WDR25: variants seen among roughly 807,000 people sequenced by gnomAD.
WDR25 encodes WD repeat domain 25, also known as WD repeat-containing protein 25.
Under a neutral mutation model 47.7 loss-of-function variants are expected in WDR25, and 35 were observed. The observed-to-expected ratio is 0.73, with a 90% CI of 0.56 to 0.97. The LOEUF (loss-of-function observed/expected upper bound fraction) is 0.97. WDR25 is among the 50% of genes least tolerant of loss of function. WDR25 has a pLI of 0.00. For missense variants in WDR25, 634 were observed against 704.7 expected, an observed-to-expected ratio of 0.90 and a Z score of 1.14; for synonymous variants, 248 against 278.9, an observed-to-expected ratio of 0.89 and a Z score of 1.10.
chr14:100,431,473 A>G (rs909361440), intron 2 of WDR25, among the ~76,000 whole-genome samples: 2 of 152,158 alleles, frequency 1.3e-5, no homozygotes, highest in Admixed American at 6.5e-5. Flanking sequence ...AATATTGAGG[A>G]TGATATGCAG....
intron 2 of WDR25, among the ~76,000 whole-genome samples, chr14:100,445,483 T>G (rs2140253752): frequency 6.6e-6 from 1 of 152,028 alleles, no homozygotes; most frequent in South Asian, 2.1e-4. Context: ...ACACCAAGGG[T>G]TTCAAAACAT....
chr14:100,481,120 AAAAAAAAAAAAAG>A, intron 3 of WDR25: 1 of 443,212 alleles, frequency 2.3e-6, no homozygotes, highest in South Asian at 1.7e-5. Flanking sequence ...AAAAAAAAAA[AAAAAAAAAAAAAG>A]GGAAAAGGGG....
chr14:100,448,977 A>G (rs538199844), intron 2 of WDR25, among the ~76,000 whole-genome samples: 1 of 152,142 alleles, frequency 6.6e-6, no homozygotes, highest in East Asian at 2.0e-4. Flanking sequence ...TTCAAGGAAC[A>G]GAGTGAGTTT....
intron 3 of WDR25, chr14:100,480,988 C>T (rs1900177875): frequency 2.3e-6 from 1 of 429,988 alleles, no homozygotes; most frequent in African/African-American, 2.1e-5. Flanking sequence ...AAGGGGCCAC[C>T]AAGGAAGAGC....
chr14:100,503,946 A>G (rs887876150), intron 4 of WDR25, among the ~76,000 whole-genome samples: 1 of 152,240 alleles, frequency 6.6e-6, no homozygotes, highest in African/African-American at 2.4e-5. Context: ...TTATTATTGA[A>G]AAATGTAAAT....
chr14:100,403,544 G>T (rs527964997), intron 2 of WDR25, among the ~76,000 whole-genome samples: 9 of 152,252 alleles, frequency 5.9e-5, no homozygotes, highest in African/African-American at 1.9e-4. Context: ...TGCTTAGCCC[G>T]CAGGGCTGTT....
chr14:100,458,941 G>A (rs1000085985), intron 2 of WDR25, among the ~76,000 whole-genome samples: 4 of 152,088 alleles, frequency 2.6e-5, no homozygotes, highest in Non-Finnish European at 5.9e-5. Context: ...TATTAGTTGG[G>A]AAGAAATTTT....
intron 2 of WDR25, among the ~76,000 whole-genome samples, chr14:100,391,358 G>A (rs1357666274): frequency 1.3e-5 from 2 of 152,144 alleles, no homozygotes; most frequent in African/African-American, 4.8e-5. Context: ...AGGGATCGAT[G>A]GGCATATTAA....
intron 2 of WDR25, among the ~76,000 whole-genome samples, chr14:100,463,099 C>A (rs1361868120): frequency 1.3e-5 from 2 of 148,760 alleles, no homozygotes; most frequent in African/African-American, 5.0e-5. Flanking sequence ...TTTCCCTTCT[C>A]TTTTCCTCCC....
chr14:100,486,214 C>T (rs1265507871), intron 4 of WDR25, among the ~76,000 whole-genome samples: 1 of 152,136 alleles, frequency 6.6e-6, no homozygotes. Context: ...CTTATGGGTG[C>T]GCTTACTGTT....
intron 4 of WDR25, among the ~76,000 whole-genome samples, chr14:100,484,425 A>G (rs1030774133): frequency 5.3e-5 from 8 of 152,076 alleles, no homozygotes; most frequent in African/African-American, 7.2e-5. Flanking sequence ...ACTCAAGGGA[A>G]TAATGTGCGG....
rs1216279157 is a variant in WDR25 at position 100,396,432 on chromosome 14, T to C, written c.822+14686T>C. Among the ~76,000 whole-genome samples, 3 of 152,148 alleles carry C rather than the reference T, an allele frequency of 2.0e-5. No individual in the cohort carries two copies. The East Asian group carries it at 5.8e-4, about 29-fold the overall frequency. On this transcript the variant is annotated intron_variant, in intron 2 of 6. Coordinates refer to ENST00000402312, the MANE Select transcript of WDR25 (RefSeq NM_001161476.3). The stretch of plus-strand genomic sequence containing the variant: ...GAAGCTATTAAAGCAAGACAGACCA[T>C]GAAAAGCCACCCCAAAAGGAGAAGG...
intron 2 of WDR25, among the ~76,000 whole-genome samples, chr14:100,429,374 A>G (rs1422931538): frequency 6.6e-6 from 1 of 152,148 alleles, no homozygotes; most frequent in Non-Finnish European, 1.5e-5. Context: ...GGAGTGAAAG[A>G]AAGAGGAGAA....
rs1900881544 is a variant in WDR25 at position 100,500,433 on chromosome 14, G to T, written c.1101+16309G>T. Among the ~76,000 whole-genome samples the T allele has an allele frequency of 6.6e-6, 1 of 152,226 alleles. No individual in the cohort carries two copies. The highest frequency in any genetic ancestry group is 1.5e-5 in the Non-Finnish European group (1 of 68,036). On this transcript the variant is annotated intron_variant, in intron 4 of 6. Transcript: ENST00000402312. This position sits in a 1 kb window ranked among gnomAD's most constrained non-coding sequence, Gnocchi z 4.7. ...GGAGAAGGAGGGGTGGGGATGGTCA[G>T]ATGGAGGCATGCCGGGCACGGGGCA...
intron 3 of WDR25, among the ~76,000 whole-genome samples, chr14:100,476,311 T>G (rs1030424945): frequency 1.3e-5 from 2 of 152,232 alleles, no homozygotes. Context: ...AAAGTTTGAT[T>G]TGAAAGTTAG....
chr14:100,449,010 C>T lies in WDR25; in HGVS notation c.823-19011C>T, dbSNP rs1451595567. On this transcript the variant is annotated intron_variant, in intron 2 of 6. Coordinates refer to ENST00000402312, the MANE Select transcript of WDR25 (RefSeq NM_001161476.3). This position sits in a 1 kb window ranked among gnomAD's most constrained non-coding sequence, Gnocchi z 4.2. The stretch of plus-strand genomic sequence containing the variant: ...TTTGGGAAACGCACCTAGAAAGTGG[C>T]GTGCAAGGACGATCGTGATGGGAGA... 6.6e-6 allele frequency among the ~76,000 whole-genome samples: 1 copy of T among 151,992 alleles called. No individual in the cohort carries two copies. The highest frequency in any genetic ancestry group is 2.4e-5 in the African/African-American group (1 of 41,374).
Position 100,404,133 on chromosome 14 carries a change from C to T in WDR25, c.822+22387C>T, listed in dbSNP as rs1460619859. On this transcript the variant is annotated intron_variant, in intron 2 of 6. Coordinates refer to ENST00000402312, the MANE Select transcript of WDR25 (RefSeq NM_001161476.3). This position sits in a 1 kb window ranked among gnomAD's most constrained non-coding sequence, Gnocchi z 4.6. The stretch of plus-strand genomic sequence containing the variant: ...CTGAGATCCTACCATGTGTCCAGCC[C>T]AGTGCTGGGCCCCATACGCACATGA... Among the ~76,000 whole-genome samples the T allele has an allele frequency of 6.8e-6, 1 of 147,508 alleles. No homozygotes were observed. The highest frequency in any genetic ancestry group is 6.6e-5 in the Admixed American group (1 of 15,046).
rs369778314 is a variant in WDR25 at position 100,507,618 on chromosome 14, C to T, written c.1102-18252C>T. 2.0e-3 allele frequency among the ~76,000 whole-genome samples: 304 copies of T among 149,164 alleles called. 1 individual carries two copies. Among genetic ancestry groups the T allele is most frequent in the African/African-American group, 7.1e-3 (292 of 40,858 alleles). ...TAGTTCTCCTTGTAGAGATCTTTCA[C>T]CTTCTTGGTTAGATGTATTCCTAGG... is the stretch of plus-strand genomic sequence containing the variant. On this transcript the variant is annotated intron_variant, in intron 4 of 6. Coordinates refer to ENST00000402312, the MANE Select transcript of WDR25 (RefSeq NM_001161476.3).
chr14:100,464,324 C>T (rs546604248), intron 2 of WDR25, among the ~76,000 whole-genome samples: 2 of 152,310 alleles, frequency 1.3e-5, no homozygotes, highest in African/African-American at 4.8e-5. Flanking sequence ...CATTTCAGCC[C>T]CTTCCCTTGA....
Sources: allele counts gnomAD v4.1 joint callset (sites outside exome capture counted in the v4.1 genomes callset), GRCh38; gene constraint gnomAD v4.1.1; non-coding constraint Gnocchi (gnomAD v3.1); transcripts MANE v1.5; gene names NCBI Gene and HGNC (gene_info 2026-07-23, HGNC 2026-07-21).